TTL: variants seen among roughly 807,000 people sequenced by gnomAD.
The protein encoded by TTL is tubulin tyrosine ligase, also known as tubulin--tyrosine ligase.
In TTL, 10 loss-of-function variants were observed where a neutral mutation model predicts 41.1. That is an observed-to-expected ratio of 0.24 (90% CI 0.15 to 0.41). The LOEUF (loss-of-function observed/expected upper bound fraction) is 0.41. TTL is among the 10% of genes least tolerant of loss of function. The pLI is 1.00. For missense variants in TTL, 367 were observed against 460.4 expected, an observed-to-expected ratio of 0.80 and a Z score of 1.86; for synonymous variants, 175 against 175.5, an observed-to-expected ratio of 1.00 and a Z score of 0.02.
chr2:112,509,780 C>T (rs1333898731), intron 5 of TTL, among the ~76,000 whole-genome samples: 1 of 152,232 alleles, frequency 6.6e-6, no homozygotes, highest in African/African-American at 2.4e-5. Flanking sequence ...CACCCGTCTT[C>T]TGCGTCGCTC....
chr2:112,494,015 T>G, intron 2 of TTL, 128 bp from the exon 3 acceptor site: 1 of 682,842 alleles, frequency 1.5e-6, no homozygotes, highest in South Asian at 1.9e-5. Flanking sequence ...TAAGAGCAAA[T>G]AGAGATGTTA....
chr2:112,540,322 A>T lies in TTL; in HGVS notation c.*11527A>T, dbSNP rs977885376. The stretch of plus-strand genomic sequence containing the variant: ...CATGGTGGTGCATGCCTGTAATCTC[A>T]GCTATTTGGGAGGCTGAGGCAGGAG... On this transcript the variant is annotated 3_prime_UTR_variant, in exon 7 of 7. Coordinates refer to ENST00000233336, the MANE Select transcript of TTL (RefSeq NM_153712.5). The T allele has an allele frequency of 2.6e-5, 4 of 152,052 alleles. No homozygotes were observed. Among genetic ancestry groups the T allele is most frequent in the African/African-American group, 9.7e-5 (4 of 41,374 alleles). 9.4% of individuals were successfully genotyped at this position (152,052 alleles called of 1,614,324 possible). A position where few individuals can be genotyped will look rare whatever the true frequency, so the allele number is the denominator to read the frequency against.
Position 112,533,873 on chromosome 2 carries a change from T to G in TTL, c.*5078T>G, listed in dbSNP as rs1348830998. The stretch of plus-strand genomic sequence containing the variant: ...GAAAATGAACCCCTCTCCAATGCAA[T>G]ACATAGTAGCAGAACTTGAAGATTG... On this transcript the variant is annotated 3_prime_UTR_variant, in exon 7 of 7. Coordinates refer to ENST00000233336, the MANE Select transcript of TTL (RefSeq NM_153712.5). The G allele has an allele frequency of 6.6e-6, 1 of 152,194 alleles. No individual in the cohort carries two copies. The highest frequency in any genetic ancestry group is 2.4e-5 in the African/African-American group (1 of 41,446). 9.4% of individuals were successfully genotyped at this position (152,194 alleles called of 1,614,324 possible). A position where few individuals can be genotyped will look rare whatever the true frequency, so the allele number is the denominator to read the frequency against.
At chr2:112,502,803 C>T in intron 4 of TTL, 109 bp from the exon 5 acceptor site, 1 of 1,261,318 alleles carries the variant, frequency 7.9e-7, no homozygotes, top group Non-Finnish European at 1.1e-6. Context: ...CTAGTTGCCT[C>T]CCACTCCTTA....
intron 5 of TTL, among the ~76,000 whole-genome samples, chr2:112,518,135 ATT>A (rs34617627): frequency 2.8e-3 from 380 of 135,898 alleles, no homozygotes; most frequent in Admixed American, 4.3e-3. Flanking sequence ...CAGCCAACTA[ATT>A]TTTTTTTTTT....
In TTL at chr2:112,520,336, G is replaced by A. The variant is rs772664439; in HGVS notation, c.930G>A (p.Gln310=). The change falls in exon 6 of 7, where the codon CAG becomes CAA. Residue 310 remains glutamine (Q), a synonymous_variant. Transcript: ENST00000233336. ...PAISTKHLPY[Q]SFQLFGFDFM... ...TTAGCACCAAGCACCTCCCTTACCA[G>A]AGCTTCCAGCTCTTCGGCTTTGACT... The A allele has an allele frequency of 1.2e-6, 2 of 1,614,158 alleles. No individual in the cohort carries two copies. Among genetic ancestry groups the A allele is most frequent in the Non-Finnish European group, 1.7e-6 (2 of 1,180,030 alleles).
At position 112,522,807 on chromosome 2, in the gene TTL, T is replaced by A. The variant is rs111472316; in HGVS notation, c.1019+2382T>A. ...TCCTGCCCATCAGGGCCCTGTGGGTTGTACCTCTAGCCTCCGGAGTCCTTT... is the reference window on the plus strand; with the variant it reads ...TCCTGCCCATCAGGGCCCTGTGGGTAGTACCTCTAGCCTCCGGAGTCCTTT... On this transcript the variant is annotated intron_variant, in intron 6 of 6. Transcript: ENST00000233336. Among the ~76,000 whole-genome samples the A allele has an allele frequency of 5.7e-3, 873 of 152,248 alleles. 6 individuals are homozygous for A. Among genetic ancestry groups the A allele is most frequent in the South Asian group, 9.9e-3 (48 of 4,830 alleles).
At chr2:112,484,562 G>T (rs1308287839) in intron 1 of TTL, among the ~76,000 whole-genome samples, 3 of 152,076 alleles carry the variant, frequency 2.0e-5, no homozygotes, top group Non-Finnish European at 2.9e-5. Context: ...ACCGTGCCCG[G>T]CCAACATTTG....
intron 6 of TTL, among the ~76,000 whole-genome samples, chr2:112,523,807 T>A (rs183617631): frequency 1.3e-5 from 2 of 152,286 alleles, no homozygotes; most frequent in African/African-American, 4.8e-5. Context: ...ATTTTGTTAT[T>A]ATTATACTTT....
At chr2:112,523,346 G>GTGTC (rs1190731001) in intron 6 of TTL, among the ~76,000 whole-genome samples, 2 of 50,644 alleles carry the variant, frequency 3.9e-5, no homozygotes, top group Non-Finnish European at 8.7e-5. Context: ...GGGTGTGTGT[G>GTGTC]TGTCTGTGTG....
chr2:112,497,826 T>C (rs1681577203), intron 3 of TTL, among the ~76,000 whole-genome samples: 1 of 152,126 alleles, frequency 6.6e-6, no homozygotes, highest in South Asian at 2.1e-4. Flanking sequence ...CAGCTATAAA[T>C]CTAAAGCATA....
Position 112,503,209 on chromosome 2 carries a change from C to T in TTL, c.875+28C>T, listed in dbSNP as rs556566888. Reference sequence around the variant, plus strand: ...AACTTAATTGTATCTTTTTGGATTACGTGTTTCTTCTTGAAGGAGCTTTGG... The same window carrying T: ...AACTTAATTGTATCTTTTTGGATTATGTGTTTCTTCTTGAAGGAGCTTTGG... On this transcript the variant is annotated intron_variant, in intron 5 of 6. Coordinates refer to ENST00000233336, the MANE Select transcript of TTL (RefSeq NM_153712.5). 9.8e-6 allele frequency: 15 copies of T among 1,530,040 alleles called. No individual in the cohort carries two copies. The South Asian group carries it at 1.0e-4, about 10-fold the overall frequency. The allele number at this position is 1,530,040 out of a possible 1,614,324, so 94.8% of individuals were successfully genotyped here.
chr2:112,538,340 A>G lies in TTL; in HGVS notation c.*9545A>G, dbSNP rs1238712855. 1.3e-5 allele frequency: 2 copies of G among 152,192 alleles called. No homozygotes were observed. Among genetic ancestry groups the G allele is most frequent in the Non-Finnish European group, 2.9e-5 (2 of 68,032 alleles). The allele number at this position is 152,192 out of a possible 1,614,324, so 9.4% of individuals were successfully genotyped here. ...AAGAAAAGCAAATAGCAGACCAATAATCTCTTGGGAATACAAACGGAAAAA... is the reference window on the plus strand; with the variant it reads ...AAGAAAAGCAAATAGCAGACCAATAGTCTCTTGGGAATACAAACGGAAAAA... On this transcript the variant is annotated 3_prime_UTR_variant, in exon 7 of 7. Transcript: ENST00000233336.
rs1682190153 is a variant in TTL, at chr2:112,520,378, G to A, written c.972G>A (p.Glu324=). Residue 324 remains glutamate, a synonymous_variant, in exon 6 of 7, where the codon GAG becomes GAA. Coordinates refer to ENST00000233336, the MANE Select transcript of TTL (RefSeq NM_153712.5). ...GCTTTGACTTCATGGTCGATGAGGA[G>A]CTGAAGGTGTGGCTCATTGAGGTCA... ...LFGFDFMVDE[E]LKVWLIEVNG... The A allele has an allele frequency of 1.2e-6, 2 of 1,614,156 alleles. No homozygotes were observed. Among genetic ancestry groups the A allele is most frequent in the African/African-American group, 1.3e-5 (1 of 75,042 alleles).
Position 112,541,022 on chromosome 2 carries a change from AATG to A in TTL, c.*12232_*12234del, listed in dbSNP as rs1171431535. 4.6e-5 allele frequency: 7 copies of A among 152,250 alleles called. No homozygotes were observed. The highest frequency in any genetic ancestry group is 1.3e-4 in the Admixed American group (2 of 15,282). 9.4% of individuals were successfully genotyped at this position (152,250 alleles called of 1,614,324 possible). A position where few individuals can be genotyped will look rare whatever the true frequency, so the allele number is the denominator to read the frequency against. On this transcript the variant is annotated 3_prime_UTR_variant, in exon 7 of 7. Coordinates refer to ENST00000233336, the MANE Select transcript of TTL (RefSeq NM_153712.5). Reference sequence around the variant, plus strand: ...GTACAATTGGAATGTTCATGACAGAAATGATGAATGCTTGAGGTGATGGAAACC... The same window carrying A: ...GTACAATTGGAATGTTCATGACAGAAATGAATGCTTGAGGTGATGGAAACC...
At chr2:112,523,114 T>C (rs1682285249) in intron 6 of TTL, among the ~76,000 whole-genome samples, 1 of 152,196 alleles carries the variant, frequency 6.6e-6, no homozygotes, top group South Asian at 2.1e-4. Flanking sequence ...TGCTCTTATC[T>C]GCAGTGGGCC....
intron 5 of TTL, among the ~76,000 whole-genome samples, chr2:112,507,827 AT>A (rs1342026572): frequency 1.5e-5 from 2 of 137,250 alleles, no homozygotes; most frequent in Non-Finnish European, 3.1e-5. Flanking sequence ...TAAAGTTAAT[AT>A]TGTTATGTGT....
chr2:112,517,545 A>G (rs1003083909), intron 5 of TTL, among the ~76,000 whole-genome samples: 1 of 151,648 alleles, frequency 6.6e-6, no homozygotes, highest in Admixed American at 6.6e-5. Context: ...CACTGTGTCC[A>G]GCCCCCATTT....
chr2:112,522,790 A>C (rs1208066401), intron 6 of TTL, among the ~76,000 whole-genome samples: 1 of 151,796 alleles, frequency 6.6e-6, no homozygotes, highest in Non-Finnish European at 1.5e-5. Flanking sequence ...AGTCCTGCCC[A>C]TCAGGGCCCT....
Sources: gnomAD v4.1 joint callset for allele counts (sites outside exome capture counted in the v4.1 genomes callset) on GRCh38, gnomAD v4.1.1 for gene constraint, MANE v1.5 for transcripts, NCBI Gene and HGNC (gene_info 2026-07-23, HGNC 2026-07-21) for gene names.